Variants in ST8SIA4 observed in about 807,000 individuals in gnomAD.
ST8SIA4 encodes CMP-N-acetylneuraminate-poly-alpha-2,8-sialyltransferase.
In ST8SIA4, 15 loss-of-function variants were observed where a neutral mutation model predicts 33.9. The observed-to-expected ratio is 0.44, with a 90% CI of 0.30 to 0.68. ST8SIA4 has a LOEUF of 0.68. ST8SIA4 is among the 30% of genes least tolerant of loss of function. ST8SIA4 has a pLI of 0.10. For synonymous variants in ST8SIA4, 171 were observed against 151.2 expected (o/e 1.13, Z -0.96); for missense variants, 321 against 428.0 (o/e 0.75, Z 2.21).
chr5:100,854,473 C>T (rs1296550434), intron 4 of ST8SIA4, among the ~76,000 whole-genome samples: 1 of 152,064 alleles, frequency 6.6e-6, no homozygotes. Flanking sequence ...GTCCCAGCTA[C>T]TTGGGAGGCT....
chr5:100,888,385 A>C (rs559015644), intron 2 of ST8SIA4, among the ~76,000 whole-genome samples: 6 of 152,008 alleles, frequency 3.9e-5, no homozygotes, highest in Non-Finnish European at 7.4e-5. Context: ...CCTGGCCTAC[A>C]AAAGTCTGGA....
chr5:100,879,876 C>T (rs1752380560), intron 3 of ST8SIA4, among the ~76,000 whole-genome samples: 1 of 152,106 alleles, frequency 6.6e-6, no homozygotes, highest in East Asian at 1.9e-4. Flanking sequence ...TTGCATCCTG[C>T]TCTGAAACTT....
In ST8SIA4 at chr5:100,807,878, T is replaced by C. The variant is rs1233178290; in HGVS notation, c.*3969A>G. On this transcript the variant is annotated 3_prime_UTR_variant, in exon 5 of 5. Coordinates refer to ENST00000231461, the MANE Select transcript of ST8SIA4 (RefSeq NM_005668.6). ...TATTTGTACTATATAGGTATATCTA[T>C]AGCACATATATAATAAAATATCTAT... 1 of 152,592 alleles carries C rather than the reference T, an allele frequency of 6.6e-6. No homozygotes were observed. The highest frequency in any genetic ancestry group is 2.4e-5 in the African/African-American group (1 of 41,464). The allele number at this position is 152,592 out of a possible 1,614,324, so 9.5% of individuals were successfully genotyped here. A position where few individuals can be genotyped will look rare whatever the true frequency, so the allele number is the denominator to read the frequency against.
chr5:100,868,727 C>G (rs1312169958), intron 3 of ST8SIA4, among the ~76,000 whole-genome samples: 1 of 152,006 alleles, frequency 6.6e-6, no homozygotes, highest in Non-Finnish European at 1.5e-5. Flanking sequence ...ATGTCTCTAC[C>G]TGAAACTGCC....
chr5:100,855,678 T>C (rs1466200323), intron 4 of ST8SIA4, among the ~76,000 whole-genome samples: 2 of 152,220 alleles, frequency 1.3e-5, no homozygotes, highest in Admixed American at 6.5e-5. Context: ...CCTTTCTCAC[T>C]ACTAGGCCTC....
At chr5:100,830,607 T>C (rs977941812) in intron 4 of ST8SIA4, among the ~76,000 whole-genome samples, 2 of 152,204 alleles carry the variant, frequency 1.3e-5, no homozygotes, top group African/African-American at 4.8e-5. Flanking sequence ...CAGACTTATT[T>C]TATGTGTTAT....
intron 4 of ST8SIA4, among the ~76,000 whole-genome samples, chr5:100,820,490 A>C (rs991223597): frequency 3.9e-5 from 6 of 152,054 alleles, no homozygotes; most frequent in African/African-American, 7.2e-5. Flanking sequence ...TTGACATATA[A>C]AATTGTATAT....
intron 4 of ST8SIA4, among the ~76,000 whole-genome samples, chr5:100,855,258 C>T (rs1306320752): frequency 6.6e-6 from 1 of 152,138 alleles, no homozygotes; most frequent in East Asian, 1.9e-4. Flanking sequence ...ATGTTTGGTC[C>T]ACTTTCCAAG....
At chr5:100,887,799 T>C (rs1453317531) in intron 2 of ST8SIA4, among the ~76,000 whole-genome samples, 1 of 152,066 alleles carries the variant, frequency 6.6e-6, no homozygotes, top group Non-Finnish European at 1.5e-5. Context: ...CTCCTTTTAG[T>C]AAGGCACTAG....
intron 4 of ST8SIA4, among the ~76,000 whole-genome samples, chr5:100,840,488 A>T (rs1228265164): frequency 6.6e-6 from 1 of 151,878 alleles, no homozygotes; most frequent in East Asian, 1.9e-4. Flanking sequence ...ATGTTCCCTA[A>T]TATCATCATC....
In ST8SIA4 at chr5:100,808,925, T is replaced by A. The variant is rs1750746575; in HGVS notation, c.*2922A>T. 6.6e-6 allele frequency: 1 copy of A among 152,638 alleles called. No homozygotes were observed. The highest frequency in any genetic ancestry group is 2.1e-4 in the South Asian group (1 of 4,830). 9.5% of individuals were successfully genotyped at this position (152,638 alleles called of 1,614,324 possible). A position where few individuals can be genotyped will look rare whatever the true frequency, so the allele number is the denominator to read the frequency against. On this transcript the variant is annotated 3_prime_UTR_variant, in exon 5 of 5. Transcript: ENST00000231461. ...TTCTTGACTATTGAAATCCCTGAGA[T>A]GAACAAAAGCAATCTCAATCGACAC...
intron 4 of ST8SIA4, among the ~76,000 whole-genome samples, chr5:100,855,615 C>T (rs1751797529): frequency 6.6e-6 from 1 of 152,186 alleles, no homozygotes; most frequent in South Asian, 2.1e-4. Context: ...TTCATTAAAA[C>T]AGCATCTGTG....
At chr5:100,867,141 T>C (rs890156565) in intron 3 of ST8SIA4, among the ~76,000 whole-genome samples, 2 of 152,130 alleles carry the variant, frequency 1.3e-5, no homozygotes, top group Admixed American at 6.5e-5. Flanking sequence ...TCTGCCTTTG[T>C]AATTAAAAAG....
Position 100,903,265 on chromosome 5 carries a change from G to T in ST8SIA4, c.-310C>A, listed in dbSNP as rs1322564817. ...ATTGGAGGTGGCGGCAGCTTCTGCA[G>T]CTGGGTTCGGGGGCGTCACTGGCCC... On this transcript the variant is annotated 5_prime_UTR_variant, in exon 1 of 5. In the 5' UTR this introduces an upstream ATG that the reference lacks. Coordinates refer to ENST00000231461, the MANE Select transcript of ST8SIA4 (RefSeq NM_005668.6). 2.8e-6 allele frequency: 1 copy of T among 358,982 alleles called. No individual in the cohort carries two copies. The highest frequency in any genetic ancestry group is 4.6e-5 in the Admixed American group (1 of 21,774). 22.2% of individuals were successfully genotyped at this position (358,982 alleles called of 1,614,324 possible).
rs1394330320 is a variant in ST8SIA4 at position 100,856,205 on chromosome 5, C to T, written c.695G>A (p.Gly232Glu). 9 of 1,614,128 alleles carry T rather than the reference C, an allele frequency of 5.6e-6. No individual in the cohort carries two copies. Among genetic ancestry groups the T allele is most frequent in the Non-Finnish European group, 6.8e-6 (8 of 1,179,986 alleles). ...VLWIPAFMVKGGEKHVEWVNA... is the reference protein window; with the variant it reads ...VLWIPAFMVKEGEKHVEWVNA... The stretch of plus-strand genomic sequence containing the variant: ...AACCCACTCCACGTGCTTCTCTCCT[C>T]CTTTGACCATGAAAGCAGGAATCCA... Residue 232 changes from glycine (G) to glutamate (E), a missense_variant, in exon 4 of 5, where the codon GGA becomes GAA. By Grantham distance (98) the Gly-to-Glu change is moderately conservative. Coordinates refer to ENST00000231461, the MANE Select transcript of ST8SIA4 (RefSeq NM_005668.6).
chr5:100,830,249 G>A (rs1269416358), intron 4 of ST8SIA4, among the ~76,000 whole-genome samples: 1 of 151,788 alleles, frequency 6.6e-6, no homozygotes, highest in African/African-American at 2.4e-5. Flanking sequence ...GAGCCAGACC[G>A]ATGAGTTTCA....
chr5:100,861,579 A>C (rs942303362), intron 3 of ST8SIA4, among the ~76,000 whole-genome samples: 1 of 152,162 alleles, frequency 6.6e-6, no homozygotes, highest in African/African-American at 2.4e-5. Flanking sequence ...GCCAAGGAAA[A>C]ATATATTGTT....
intron 3 of ST8SIA4, chr5:100,885,387 G>A (rs1332003206): frequency 1.0e-6 from 1 of 965,034 alleles, no homozygotes; most frequent in Non-Finnish European, 1.2e-6. Flanking sequence ...GATTTCTCAT[G>A]ACTTTTTTTT....
At chr5:100,814,865 C>T (rs1561382307) in intron 4 of ST8SIA4, among the ~76,000 whole-genome samples, 2 of 151,776 alleles carry the variant, frequency 1.3e-5, no homozygotes, top group Non-Finnish European at 3.0e-5. Context: ...AAGCTAGAGC[C>T]CAGACTACAA....
Sources: allele counts gnomAD v4.1 joint callset (sites outside exome capture counted in the v4.1 genomes callset), GRCh38; gene constraint gnomAD v4.1.1; transcripts MANE v1.5; gene names NCBI Gene and HGNC (gene_info 2026-07-23, HGNC 2026-07-21).